NOS1: variants seen among roughly 807,000 people sequenced by gnomAD.
The protein encoded by NOS1 is NOS type I.
NOS1 carries 51 observed loss-of-function variants against 164.5 expected under a neutral mutation model. That is an observed-to-expected ratio of 0.31 (90% CI 0.25 to 0.39). The LOEUF (loss-of-function observed/expected upper bound fraction) is 0.39, where lower values mean the gene tolerates loss of function less well. Ranked by LOEUF, NOS1 falls within the 10% of genes least tolerant of loss-of-function variation. The pLI, the probability that NOS1 is intolerant of heterozygous loss-of-function variation, is 1.00. For synonymous variants in NOS1, 719 were observed against 745.8 expected, an observed-to-expected ratio of 0.96 and a Z score of 0.59; for missense variants, 1,362 against 1,885.6, an observed-to-expected ratio of 0.72 and a Z score of 5.14.
At chr12:117,230,114 A>G (rs1196259370) in intron 22 of NOS1, among the ~76,000 whole-genome samples, 2 of 152,002 alleles carry the variant, frequency 1.3e-5, no homozygotes, top group Non-Finnish European at 2.9e-5. Context: ...GATGGGGTCT[A>G]TGTTGCCCGG....
chr12:117,256,568 G>T (rs927807405), intron 16 of NOS1, among the ~76,000 whole-genome samples: 1 of 151,740 alleles, frequency 6.6e-6, no homozygotes, highest in Non-Finnish European at 1.5e-5. Flanking sequence ...ATGAGCCACT[G>T]TGTCTGGCCT....
chr12:117,352,778 G>C (rs1364610001), intron 1 of NOS1, among the ~76,000 whole-genome samples: 1 of 152,180 alleles, frequency 6.6e-6, no homozygotes, highest in Admixed American at 6.5e-5. Flanking sequence ...GTATTCGTGT[G>C]TGGGAGGTGA....
chr12:117,225,406 G>A (rs1054406673), intron 24 of NOS1, among the ~76,000 whole-genome samples: 1 of 152,016 alleles, frequency 6.6e-6, no homozygotes, highest in Non-Finnish European at 1.5e-5. Context: ...GTATCTCTAC[G>A]CTGGCACCCT....
intron 24 of NOS1, among the ~76,000 whole-genome samples, chr12:117,226,037 A>G (rs1464249878): frequency 6.6e-6 from 1 of 152,216 alleles, no homozygotes; most frequent in African/African-American, 2.4e-5. Flanking sequence ...CCTGGGCCAT[A>G]CAGTACATCT....
chr12:117,319,601 A>G (rs1295533031), intron 2 of NOS1, among the ~76,000 whole-genome samples: 1 of 152,164 alleles, frequency 6.6e-6, no homozygotes, highest in African/African-American at 2.4e-5. Flanking sequence ...TTGCCTCACA[A>G]AGATGTAGAT....
chr12:117,229,786 A>G (rs1157150406), intron 22 of NOS1, among the ~76,000 whole-genome samples: 2 of 152,138 alleles, frequency 1.3e-5, no homozygotes, highest in Non-Finnish European at 2.9e-5. Context: ...ACGGGGTTTC[A>G]CCATGTTGGC....
Position 117,260,709 on chromosome 12 carries a change from A to G in NOS1, c.2223-100T>C, listed in dbSNP as rs1320526844. 5.5e-6 allele frequency: 7 copies of G among 1,268,702 alleles called. No individual in the cohort carries two copies. The Admixed American group carries it at 1.4e-4, about 25-fold the overall frequency. The allele number at this position is 1,268,702 out of a possible 1,614,324, so 78.6% of individuals were successfully genotyped here. A position where few individuals can be genotyped will look rare whatever the true frequency, so the allele number is the denominator to read the frequency against. On this transcript the variant is annotated intron_variant, in intron 13 of 28. Coordinates refer to ENST00000317775, the MANE Select transcript of NOS1 (RefSeq NM_000620.5). ...GCAAGAACCAGGATCCATGAAATAT[A>G]ACAGAAGAGAACTCTCTTGATCTTT...
In NOS1 at chr12:117,215,026, T is replaced by C. The variant is rs899778457; in HGVS notation, c.*283A>G. The stretch of plus-strand genomic sequence containing the variant: ...CGACGGCCATGTTCCAGTGGTTTCA[T>C]GCACCCGTGAGTTGCCCTTGTCGGC... On this transcript the variant is annotated 3_prime_UTR_variant, in exon 29 of 29. Coordinates refer to ENST00000317775, the MANE Select transcript of NOS1 (RefSeq NM_000620.5). The C allele has an allele frequency of 4.2e-6, 5 of 1,180,456 alleles. No homozygotes were observed. Among genetic ancestry groups the C allele is most frequent in the Non-Finnish European group, 5.2e-6 (5 of 955,650 alleles). The allele number at this position is 1,180,456 out of a possible 1,614,324, so 73.1% of individuals were successfully genotyped here. A position where few individuals can be genotyped will look rare whatever the true frequency, so the allele number is the denominator to read the frequency against.
At chr12:117,349,450 A>G (rs9658263) in intron 1 of NOS1, among the ~76,000 whole-genome samples, 3,867 of 152,370 alleles carry the variant, frequency 0.025, 75 homozygotes, top group African/African-American at 0.048. Flanking sequence ...TTTTTGTTTG[A>G]ATACTTCTTT....
intron 9 of NOS1, among the ~76,000 whole-genome samples, chr12:117,274,495 G>A (rs1426532238): frequency 5.9e-5 from 9 of 151,928 alleles, no homozygotes; most frequent in African/African-American, 1.9e-4. Flanking sequence ...CAGGCTGGGC[G>A]CAGTGGTTCA....
chr12:117,336,214 G>C (rs1875813525), intron 1 of NOS1, among the ~76,000 whole-genome samples: 1 of 152,182 alleles, frequency 6.6e-6, no homozygotes, highest in Admixed American at 6.5e-5. Context: ...CCATTTTATA[G>C]ATGAGAAAAC....
chr12:117,317,692 T>C (rs1031066551), intron 2 of NOS1, among the ~76,000 whole-genome samples: 3 of 151,956 alleles, frequency 2.0e-5, no homozygotes, highest in Non-Finnish European at 4.4e-5. Context: ...CCAGATGTAA[T>C]TGAGGAGCTC....
chr12:117,232,038 G>A lies in NOS1; in HGVS notation c.3329C>T (p.Thr1110Met), dbSNP rs562794276. The change falls in exon 22 of 29, where the codon ACG becomes ATG. Residue 1110 changes from threonine (T) to methionine (M), a missense_variant. Around this residue, in one of 4 missense-constraint regions of NOS1, gnomAD observed 737 missense variants for 1,030.3 expected, o/e 0.72. Coordinates refer to ENST00000317775, the MANE Select transcript of NOS1 (RefSeq NM_000620.5). ...GGCAAACTGCTGCAGCTGCAGAGGC[G>A]TTGGTGGCGTGGTGATGTCCAGGTA... ...KYYLDITTPP[T>M]PLQLQQFASL... is the part of the protein sequence containing the mutation. The A allele has an allele frequency of 3.1e-5, 50 of 1,612,598 alleles. No individual in the cohort carries two copies. In the South Asian group the frequency reaches 4.0e-4, roughly 13 times the overall value.
chr12:117,214,156 T>G lies in NOS1; in HGVS notation c.*1153A>C. 1 of 985,392 alleles carries G rather than the reference T, an allele frequency of 1.0e-6. No individual in the cohort carries two copies. The highest frequency in any genetic ancestry group is 1.2e-6 in the Non-Finnish European group (1 of 829,928). 61.0% of individuals were successfully genotyped at this position (985,392 alleles called of 1,614,324 possible). ...ATCCACTTTAACCAGCTTCCATTAT[T>G]TCATCCCCAAGGGTGAAGCAGCAAG... On this transcript the variant is annotated 3_prime_UTR_variant, in exon 29 of 29. Coordinates refer to ENST00000317775, the MANE Select transcript of NOS1 (RefSeq NM_000620.5).
In NOS1 at chr12:117,222,943, C is replaced by G. The variant is rs563464425; in HGVS notation, c.3827-80G>C. 11 of 1,517,800 alleles carry G rather than the reference C, an allele frequency of 7.2e-6. No individual in the cohort carries two copies. In the Admixed American group the frequency reaches 1.1e-4, roughly 16 times the overall value. 94.0% of individuals were successfully genotyped at this position (1,517,800 alleles called of 1,614,324 possible). ...TGGCTGAGGTGCCAGGGATGGGGTA[C>G]TGAGACCTTAGCGTGTGCCATGCGG... On this transcript the variant is annotated intron_variant, in intron 25 of 28. Coordinates refer to ENST00000317775, the MANE Select transcript of NOS1 (RefSeq NM_000620.5).
chr12:117,231,624 G>T (rs1592933537), intron 22 of NOS1, among the ~76,000 whole-genome samples: 1 of 151,962 alleles, frequency 6.6e-6, no homozygotes, highest in South Asian at 2.1e-4. Flanking sequence ...TTAAACCAAG[G>T]CATGGTGAGA....
chr12:117,344,419 T>A (rs1296586114), intron 1 of NOS1, among the ~76,000 whole-genome samples: 3 of 152,252 alleles, frequency 2.0e-5, no homozygotes, highest in Non-Finnish European at 4.4e-5. Flanking sequence ...TGAGCATTTT[T>A]ATATGTAAGC....
intron 5 of NOS1, 43 bp downstream of exon 5, chr12:117,288,031 T>C (rs1163598759): frequency 6.2e-7 from 1 of 1,610,688 alleles, no homozygotes; most frequent in Admixed American, 1.7e-5. Context: ...TCTCCAGCAT[T>C]CGATAACTTA....
At position 117,209,061 on chromosome 12, in the gene NOS1, C is replaced by A; in HGVS notation, c.*6248G>T. 1.0e-6 allele frequency: 1 copy of A among 985,286 alleles called. No homozygotes were observed. Among genetic ancestry groups the A allele is most frequent in the Non-Finnish European group, 1.2e-6 (1 of 829,928 alleles). 61.0% of individuals were successfully genotyped at this position (985,286 alleles called of 1,614,324 possible). A position where few individuals can be genotyped will look rare whatever the true frequency, so the allele number is the denominator to read the frequency against. On this transcript the variant is annotated 3_prime_UTR_variant, in exon 29 of 29. Transcript: ENST00000317775. ...TGAAAGCATACTGCCCTCCCCATGCCCCCTCCCCCGGACACCCTCAAATCC... is the reference window on the plus strand; with the variant it reads ...TGAAAGCATACTGCCCTCCCCATGCACCCTCCCCCGGACACCCTCAAATCC...
Sources: allele counts gnomAD v4.1 joint callset (sites outside exome capture counted in the v4.1 genomes callset), GRCh38; gene constraint gnomAD v4.1.1; regional missense constraint gnomAD v4.1.1; transcripts MANE v1.5; gene names NCBI Gene and HGNC (gene_info 2026-07-23, HGNC 2026-07-21).